Variants in NET1 observed in about 807,000 individuals in gnomAD.
NET1 encodes neuroepithelial cell transforming 1, also known as neuroepithelial cell-transforming gene 1 protein.
A neutral mutation model predicts 61.1 loss-of-function variants in NET1; 42 were observed. The observed-to-expected ratio is 0.69, with a 90% confidence interval of 0.54 to 0.89. NET1 has a LOEUF of 0.89. NET1 is among the 40% of genes least tolerant of loss of function. The pLI is 0.00. For missense variants in NET1, 654 were observed against 747.3 expected, an observed-to-expected ratio of 0.88 and a Z score of 1.46; for synonymous variants, 254 against 281.8, an observed-to-expected ratio of 0.90 and a Z score of 0.99.
chr10:5,417,227 G>C lies in NET1; in HGVS notation c.128+4407G>C, dbSNP rs1832097672. 6.6e-6 allele frequency among the ~76,000 whole-genome samples: 1 copy of C among 151,980 alleles called. No individual in the cohort carries two copies. Among genetic ancestry groups the C allele is most frequent in the Non-Finnish European group, 1.5e-5 (1 of 67,992 alleles). ...CCTCTTGACATCCAGCCACCTGTGT[G>C]TCTGCCTGCTAGGGTCTCGGGGGGT... On this transcript the variant is annotated intron_variant, in intron 1 of 11. Transcript: ENST00000355029. The surrounding 1 kb of genome is among the most constrained non-coding windows in gnomAD (Gnocchi z 5.5).
Position 5,454,203 on chromosome 10 carries a change from G to C in NET1, c.769-62G>C. On this transcript the variant is annotated intron_variant, in intron 8 of 11. Coordinates refer to ENST00000355029, the MANE Select transcript of NET1 (RefSeq NM_001047160.3). This position sits in a 1 kb window ranked among gnomAD's most constrained non-coding sequence, Gnocchi z 8.1. ...TACATTTTGTGTTTCATGTTTGCAG[G>C]CTTGTTAATGCACTCGGTCATAACA... 6.6e-7 allele frequency: 1 copy of C among 1,505,288 alleles called. No individual in the cohort carries two copies. The highest frequency in any genetic ancestry group is 9.0e-7 in the Non-Finnish European group (1 of 1,115,872). 93.2% of individuals were successfully genotyped at this position (1,505,288 alleles called of 1,614,324 possible). A position where few individuals can be genotyped will look rare whatever the true frequency, so the allele number is the denominator to read the frequency against.
chr10:5,442,795 T>G (rs1832542978), intron 3 of NET1, among the ~76,000 whole-genome samples: 1 of 151,236 alleles, frequency 6.6e-6, no homozygotes, highest in African/African-American at 2.4e-5. Flanking sequence ...GAGAATCACT[T>G]GAATCCAGGA....
Position 5,456,792 on chromosome 10 carries a change from G to A in NET1, c.1589G>A (p.Arg530Lys). ...EECEGNHPSA[R>K]KLTAQRRAST... is the part of the protein sequence containing the mutation. ...TGTGAGGGGAACCACCCCTCTGCGA[G>A]GAAACTCACAGCCCAGAGGAGGGCA... The change falls in exon 12 of 12, where the codon AGG becomes AAG. Residue 530 changes from arginine to lysine, a missense_variant. Transcript: ENST00000355029. The surrounding 1 kb of genome is among the most constrained non-coding windows in gnomAD (Gnocchi z 7.0). 1.2e-6 allele frequency: 2 copies of A among 1,613,206 alleles called. No individual in the cohort carries two copies. Among genetic ancestry groups the A allele is most frequent in the Non-Finnish European group, 1.7e-6 (2 of 1,179,518 alleles).
chr10:5,435,474 GAGATAGATAGATAGATAGAT>G lies in NET1; in HGVS notation c.255+6285_255+6304del, dbSNP rs71388435. Among the ~76,000 whole-genome samples, 13 of 142,858 alleles carry G rather than the reference GAGATAGATAGATAGATAGAT, an allele frequency of 9.1e-5. No homozygotes were observed. The highest frequency in any genetic ancestry group is 2.4e-4 in the South Asian group (1 of 4,096). 93.7% of individuals were successfully genotyped at this position (142,858 alleles called of 152,430 possible). A position where few individuals can be genotyped will look rare whatever the true frequency, so the allele number is the denominator to read the frequency against. The stretch of plus-strand genomic sequence containing the variant: ...TTCTACTTTATATGCCTCCGTGCCT[GAGATAGATAGATAGATAGAT>G]AGATAGATAGATAGATAGATAGATA... On this transcript the variant is annotated intron_variant, in intron 3 of 11. Coordinates refer to ENST00000355029, the MANE Select transcript of NET1 (RefSeq NM_001047160.3). This position sits in a 1 kb window ranked among gnomAD's most constrained non-coding sequence, Gnocchi z 5.0.
At position 5,427,195 on chromosome 10, in the gene NET1, T is replaced by C. The variant is rs1832271503; in HGVS notation, c.195+474T>C. Among the ~76,000 whole-genome samples, 1 of 152,154 alleles carries C rather than the reference T, an allele frequency of 6.6e-6. No homozygotes were observed. Among genetic ancestry groups the C allele is most frequent in the Non-Finnish European group, 1.5e-5 (1 of 68,014 alleles). On this transcript the variant is annotated intron_variant, in intron 2 of 11. Coordinates refer to ENST00000355029, the MANE Select transcript of NET1 (RefSeq NM_001047160.3). The surrounding 1 kb of genome is among the most constrained non-coding windows in gnomAD (Gnocchi z 4.1). Reference sequence around the variant, plus strand: ...TATAGCAGGACTTTACAGAGGCATTTAATTTTGTGTGAAGTGATAACAGAA... The same window carrying C: ...TATAGCAGGACTTTACAGAGGCATTCAATTTTGTGTGAAGTGATAACAGAA...
rs1168493497 is a variant in NET1 at position 5,423,176 on chromosome 10, G to T, written c.129-3479G>T. Reference sequence around the variant, plus strand: ...TTTCATTCTACATCCATTTTTTATGGTGAATGCATCTTGAGGGTAAATTAT... The same window carrying T: ...TTTCATTCTACATCCATTTTTTATGTTGAATGCATCTTGAGGGTAAATTAT... On this transcript the variant is annotated intron_variant, in intron 1 of 11. Coordinates refer to ENST00000355029, the MANE Select transcript of NET1 (RefSeq NM_001047160.3). This position sits in a 1 kb window ranked among gnomAD's most constrained non-coding sequence, Gnocchi z 4.4. Among the ~76,000 whole-genome samples, 3 of 151,984 alleles carry T rather than the reference G, an allele frequency of 2.0e-5. No homozygotes were observed. The highest frequency in any genetic ancestry group is 7.2e-5 in the African/African-American group (3 of 41,386).
Position 5,454,841 on chromosome 10 carries a change from C to T in NET1, c.1027-107C>T, listed in dbSNP as rs1419966809. 7.3e-6 allele frequency: 8 copies of T among 1,098,816 alleles called. No homozygotes were observed. Among genetic ancestry groups the T allele is most frequent in the African/African-American group, 3.1e-5 (2 of 63,742 alleles). The allele number at this position is 1,098,816 out of a possible 1,614,324, so 68.1% of individuals were successfully genotyped here. A position where few individuals can be genotyped will look rare whatever the true frequency, so the allele number is the denominator to read the frequency against. On this transcript the variant is annotated intron_variant, in intron 9 of 11. Coordinates refer to ENST00000355029, the MANE Select transcript of NET1 (RefSeq NM_001047160.3). The surrounding 1 kb of genome is among the most constrained non-coding windows in gnomAD (Gnocchi z 8.1). Reference sequence around the variant, plus strand: ...CAGAATTAACTGATTTCTAGAGTCCCTTCAAGCTTTAAAGTTCTTCCATTC... The same window carrying T: ...CAGAATTAACTGATTTCTAGAGTCCTTTCAAGCTTTAAAGTTCTTCCATTC...
intron 3 of NET1, among the ~76,000 whole-genome samples, chr10:5,430,179 C>A (rs913761344): frequency 1.3e-5 from 2 of 152,058 alleles, no homozygotes; most frequent in African/African-American, 4.8e-5. Flanking sequence ...GAAATGACAA[C>A]CTTGATTATT....
chr10:5,434,217 A>G (rs989243151), intron 3 of NET1, among the ~76,000 whole-genome samples: 1 of 152,156 alleles, frequency 6.6e-6, no homozygotes, highest in Admixed American at 6.5e-5. Flanking sequence ...TTGTGTTCAC[A>G]AGGTGATTTT....
In NET1 at chr10:5,443,548, G is replaced by C. The variant is rs1322772955; in HGVS notation, c.256-8282G>C. On this transcript the variant is annotated intron_variant, in intron 3 of 11. Transcript: ENST00000355029. This position sits in a 1 kb window ranked among gnomAD's most constrained non-coding sequence, Gnocchi z 4.8. ...CTGTTTAGTCCTCTGGTTTTATGCA[G>C]CATTGTGACAAGACTCAAGATTCTT... 6.6e-6 allele frequency among the ~76,000 whole-genome samples: 1 copy of C among 152,128 alleles called. No individual in the cohort carries two copies. Among genetic ancestry groups the C allele is most frequent in the Non-Finnish European group, 1.5e-5 (1 of 68,020 alleles).
At position 5,426,475 on chromosome 10, in the gene NET1, AC is replaced by A. The variant is rs1272157134; in HGVS notation, c.129-177del. ...GATGCTGAGAATGACCAAAACCTAT[AC>A]CCTGTTTGTTTGTTTTTTATATATA... On this transcript the variant is annotated intron_variant, in intron 1 of 11. Transcript: ENST00000355029. The surrounding 1 kb of genome is among the most constrained non-coding windows in gnomAD (Gnocchi z 4.6). 2.6e-5 allele frequency among the ~76,000 whole-genome samples: 4 copies of A among 152,252 alleles called. No homozygotes were observed. The highest frequency in any genetic ancestry group is 9.6e-5 in the African/African-American group (4 of 41,548).
intron 1 of NET1, among the ~76,000 whole-genome samples, chr10:5,425,291 C>A (rs1481646837): frequency 2.0e-5 from 3 of 152,130 alleles, no homozygotes; most frequent in Non-Finnish European, 4.4e-5. Context: ...AACAAAATTT[C>A]TCCTTCATAT....
rs11253170 is a variant in NET1 at position 5,422,743 on chromosome 10, C to G, written c.129-3912C>G. Among the ~76,000 whole-genome samples the G allele has an allele frequency of 0.54, 82,653 of 152,044 alleles. 25,686 individuals carry two copies. Among genetic ancestry groups the G allele is most frequent in the Non-Finnish European group, 0.68 (46,140 of 67,972 alleles). ...ACCCTAGTATGATAGGAGACATAGTCTACATGATTGTCAGAAGTGGAAGAA... is the reference window on the plus strand; with the variant it reads ...ACCCTAGTATGATAGGAGACATAGTGTACATGATTGTCAGAAGTGGAAGAA... On this transcript the variant is annotated intron_variant, in intron 1 of 11. Transcript: ENST00000355029. The surrounding 1 kb of genome is among the most constrained non-coding windows in gnomAD (Gnocchi z 4.1).
Position 5,422,931 on chromosome 10 carries a change from CA to C in NET1, c.129-3721del, listed in dbSNP as rs1303027448. 2.0e-5 allele frequency among the ~76,000 whole-genome samples: 3 copies of C among 152,166 alleles called. No individual in the cohort carries two copies. The highest frequency in any genetic ancestry group is 7.2e-5 in the African/African-American group (3 of 41,434). On this transcript the variant is annotated intron_variant, in intron 1 of 11. Transcript: ENST00000355029. This position sits in a 1 kb window ranked among gnomAD's most constrained non-coding sequence, Gnocchi z 4.1. ...AGAACCTCAGTTGCTTGGCACACCC[CA>C]AATGTAAAAAGTGTTAACTGCAGAG... is the stretch of plus-strand genomic sequence containing the variant.
rs1047560390 is a variant in NET1, at chr10:5,444,112, G to A, written c.256-7718G>A. Among the ~76,000 whole-genome samples the A allele has an allele frequency of 1.3e-5, 2 of 152,296 alleles. No homozygotes were observed. Among genetic ancestry groups the A allele is most frequent in the South Asian group, 2.1e-4 (1 of 4,820 alleles). Reference sequence around the variant, plus strand: ...AGAGTAAAATTAGGAGTCCACAATCGCTCAGGTGCTTCTACTTTCATGCTA... The same window carrying A: ...AGAGTAAAATTAGGAGTCCACAATCACTCAGGTGCTTCTACTTTCATGCTA... On this transcript the variant is annotated intron_variant, in intron 3 of 11. Coordinates refer to ENST00000355029, the MANE Select transcript of NET1 (RefSeq NM_001047160.3). This position sits in a 1 kb window ranked among gnomAD's most constrained non-coding sequence, Gnocchi z 5.3.
At position 5,423,890 on chromosome 10, in the gene NET1, C is replaced by T. The variant is rs936513186; in HGVS notation, c.129-2765C>T. Among the ~76,000 whole-genome samples the T allele has an allele frequency of 3.3e-5, 5 of 152,010 alleles. 1 individual carries two copies. Among genetic ancestry groups the T allele is most frequent in the African/African-American group, 1.2e-4 (5 of 41,382 alleles). ...GTGGGCACGGTTTGTTTTTTGGGTTCCTTTTTTCCATGGGTATTCAAAATA... is the reference window on the plus strand; with the variant it reads ...GTGGGCACGGTTTGTTTTTTGGGTTTCTTTTTTCCATGGGTATTCAAAATA... On this transcript the variant is annotated intron_variant, in intron 1 of 11. Transcript: ENST00000355029. The surrounding 1 kb of genome is among the most constrained non-coding windows in gnomAD (Gnocchi z 4.4).
rs549678721 is a variant in NET1 at position 5,421,038 on chromosome 10, T to TCAA, written c.129-5617_129-5616insCAA. On this transcript the variant is annotated intron_variant, in intron 1 of 11. Transcript: ENST00000355029. The surrounding 1 kb of genome is among the most constrained non-coding windows in gnomAD (Gnocchi z 4.2). ...ACCTAATTATTTTCTGTCTTCTCCTTTGAGAATGTATATTCTTTTAACATT... is the reference window on the plus strand; with the variant it reads ...ACCTAATTATTTTCTGTCTTCTCCTTCAATGAGAATGTATATTCTTTTAACATT... 4.9e-3 allele frequency among the ~76,000 whole-genome samples: 740 copies of TCAA among 152,358 alleles called. 5 individuals carry two copies. The highest frequency in any genetic ancestry group is 7.3e-3 in the Non-Finnish European group (499 of 68,036).
In NET1 at chr10:5,443,143, T is replaced by C. The variant is rs1378998247; in HGVS notation, c.256-8687T>C. 1.3e-5 allele frequency among the ~76,000 whole-genome samples: 2 copies of C among 152,186 alleles called. No individual in the cohort carries two copies. Among genetic ancestry groups the C allele is most frequent in the African/African-American group, 4.8e-5 (2 of 41,442 alleles). On this transcript the variant is annotated intron_variant, in intron 3 of 11. Transcript: ENST00000355029. This position sits in a 1 kb window ranked among gnomAD's most constrained non-coding sequence, Gnocchi z 4.8. ...ACATATACTGAGCACCTAGTGTGTC[T>C]CAGAACATGTGCTAAAGGTTTTATA...
intron 1 of NET1, among the ~76,000 whole-genome samples, chr10:5,425,603 C>T (rs7073877): frequency 0.27 from 41,023 of 152,024 alleles, 5,703 homozygotes; most frequent in Non-Finnish European, 0.29. Context: ...AGGATGCCTC[C>T]ACTTCTAGTT....
Sources: allele counts gnomAD v4.1 joint callset (sites outside exome capture counted in the v4.1 genomes callset), GRCh38; gene constraint gnomAD v4.1.1; non-coding constraint Gnocchi (gnomAD v3.1); transcripts MANE v1.5; gene names NCBI Gene and HGNC (gene_info 2026-07-23, HGNC 2026-07-21).